The following NDUFA10 variants were observed in gnomAD, a reference collection of about 807,000 sequenced individuals.
NDUFA10 encodes NADH:ubiquinone oxidoreductase subunit A10.
NDUFA10 carries 40 observed loss-of-function variants against 47.8 expected under a neutral mutation model. That is an observed-to-expected ratio of 0.84 (90% CI 0.65 to 1.09). The LOEUF is 1.09. NDUFA10 is among the 50% of genes least tolerant of loss of function. The probability of loss-of-function intolerance (pLI) is 0.00; values close to 1 mark genes in which losing one functional copy is unlikely to be tolerated. For missense variants in NDUFA10, 413 were observed against 451.1 expected (o/e 0.92, Z 0.76); for synonymous variants, 183 against 172.2 (o/e 1.06, Z -0.49).
Position 239,959,735 on chromosome 2 carries a change from G to T in NDUFA10, c.*1383C>A. 1 of 722,816 alleles carries T rather than the reference G, an allele frequency of 1.4e-6. No individual in the cohort carries two copies. The highest frequency in any genetic ancestry group is 1.7e-6 in the Non-Finnish European group (1 of 592,910). The allele number at this position is 722,816 out of a possible 1,614,324, so 44.8% of individuals were successfully genotyped here. A position where few individuals can be genotyped will look rare whatever the true frequency, so the allele number is the denominator to read the frequency against. On this transcript the variant is annotated 3_prime_UTR_variant, in exon 10 of 10. Transcript: ENST00000252711. Reference sequence around the variant, plus strand: ...GGAAAACAAGGACAGACGGAAGGAAGGAAGAGAAGGAGGGAAGGAAAGAGG... The same window carrying T: ...GGAAAACAAGGACAGACGGAAGGAATGAAGAGAAGGAGGGAAGGAAAGAGG...
At position 239,959,647 on chromosome 2, in the gene NDUFA10, GA is replaced by G; in HGVS notation, c.*1470del. The G allele has an allele frequency of 1.0e-6, 1 of 977,394 alleles. No homozygotes were observed. Among genetic ancestry groups the G allele is most frequent in the Non-Finnish European group, 1.2e-6 (1 of 824,964 alleles). 60.5% of individuals were successfully genotyped at this position (977,394 alleles called of 1,614,324 possible). On this transcript the variant is annotated 3_prime_UTR_variant, in exon 10 of 10. Coordinates refer to ENST00000252711, the MANE Select transcript of NDUFA10 (RefSeq NM_004544.4). ...GAAGGAGGCAGGGAGGAAGGGAAGG[GA>G]GGAAAACAAGGACAGACGGAAGGAA...
At position 239,959,797 on chromosome 2, in the gene NDUFA10, G is replaced by A. The variant is rs139219798; in HGVS notation, c.*1321C>T. On this transcript the variant is annotated 3_prime_UTR_variant, in exon 10 of 10. Transcript: ENST00000252711. ...GGAAGGGAGGAAAACAAGGACAGAT[G>A]GAAGGAAGAAAGGAAGGGAGGGAAG... is the stretch of plus-strand genomic sequence containing the variant. 5.8e-4 allele frequency: 472 copies of A among 819,684 alleles called. 2 individuals carry two copies. The African/African-American group carries it at 7.8e-3, about 14-fold the overall frequency. The allele number at this position is 819,684 out of a possible 1,614,324, so 50.8% of individuals were successfully genotyped here. A position where few individuals can be genotyped will look rare whatever the true frequency, so the allele number is the denominator to read the frequency against.
chr2:239,964,708 A>G (rs1694991999), intron 9 of NDUFA10, among the ~76,000 whole-genome samples: 1 of 152,216 alleles, frequency 6.6e-6, no homozygotes, highest in Admixed American at 6.5e-5. Flanking sequence ...ACTGCCGGCG[A>G]GGACACCTCC....
At chr2:239,970,151 A>T (rs368039125) in intron 9 of NDUFA10, among the ~76,000 whole-genome samples, 32 of 152,316 alleles carry the variant, frequency 2.1e-4, no homozygotes, top group African/African-American at 7.5e-4. Flanking sequence ...ACAAACAACC[A>T]AAGGGAAAAA....
At chr2:239,953,075 C>G (rs921168010), downstream of NDUFA10, among the ~76,000 whole-genome samples, 14 of 152,294 alleles carry the variant, frequency 9.2e-5, 1 homozygote, top group South Asian at 1.0e-3. Flanking sequence ...ACAGCCGCAT[C>G]CTGATCCCCA....
chr2:240,014,575 CCCT>C lies in NDUFA10; in HGVS notation c.669+161_669+163del, dbSNP rs1419719664. 4 of 1,151,786 alleles carry C rather than the reference CCCT, an allele frequency of 3.5e-6. No homozygotes were observed. In the African/African-American group the frequency reaches 6.1e-5, roughly 17 times the overall value. The allele number at this position is 1,151,786 out of a possible 1,614,324, so 71.3% of individuals were successfully genotyped here. The stretch of plus-strand genomic sequence containing the variant: ...GCACCAGGCCGAGCCATGGGGTCTC[CCCT>C]CCACCCCTGCAGATGCCCTCTCTCA... On this transcript the variant is annotated intron_variant, in intron 5 of 9. Transcript: ENST00000252711.
At chr2:239,953,830 T>A (rs1028052151), downstream of NDUFA10, among the ~76,000 whole-genome samples, 12 of 152,142 alleles carry the variant, frequency 7.9e-5, no homozygotes, top group Admixed American at 2.0e-4. Flanking sequence ...AACTGCAAAC[T>A]TAAAATAGAC....
chr2:239,953,966 C>T (rs929096051), downstream of NDUFA10, among the ~76,000 whole-genome samples: 3 of 152,154 alleles, frequency 2.0e-5, no homozygotes, highest in South Asian at 2.1e-4. Flanking sequence ...GCTGAGTGAC[C>T]GACCGCCTCG....
chr2:239,980,437 C>T (rs1695725854), intron 9 of NDUFA10, among the ~76,000 whole-genome samples: 1 of 152,180 alleles, frequency 6.6e-6, no homozygotes, highest in Admixed American at 6.5e-5. Flanking sequence ...GCCAGGTTTC[C>T]CTTCTGTGCC....
chr2:239,952,248 G>A (rs1694568709), intron 4 of NDUFA10, among the ~76,000 whole-genome samples: 1 of 150,524 alleles, frequency 6.6e-6, no homozygotes, highest in Admixed American at 6.6e-5. Flanking sequence ...GCGCAGGGAG[G>A]GGGCTGGCAG....
chr2:239,930,710 G>A (rs1028668338), intron 4 of NDUFA10, among the ~76,000 whole-genome samples: 10 of 152,168 alleles, frequency 6.6e-5, no homozygotes, highest in Non-Finnish European at 1.3e-4. Flanking sequence ...ACCAGAGGGC[G>A]TGCAGAAGAG....
intron 4 of NDUFA10, among the ~76,000 whole-genome samples, chr2:239,921,586 T>A (rs1005827045): frequency 2.0e-5 from 3 of 152,206 alleles, no homozygotes; most frequent in Non-Finnish European, 4.4e-5. Flanking sequence ...TACAAACCTC[T>A]TGCTAGCTAC....
intron 9 of NDUFA10, among the ~76,000 whole-genome samples, chr2:239,986,144 T>C (rs1375805159): frequency 6.6e-6 from 1 of 152,080 alleles, no homozygotes; most frequent in Non-Finnish European, 1.5e-5. Flanking sequence ...GAACTACCAT[T>C]AGAAACACAA....
chr2:240,017,485 G>A (rs762254163), intron 4 of NDUFA10, among the ~76,000 whole-genome samples: 59 of 152,160 alleles, frequency 3.9e-4, no homozygotes, highest in Admixed American at 1.9e-3. Flanking sequence ...AAGCACCCAG[G>A]AGTAATGCTC....
intron 8 of NDUFA10, among the ~76,000 whole-genome samples, chr2:239,997,945 TG>T (rs1413954425): frequency 6.6e-6 from 1 of 152,196 alleles, no homozygotes; most frequent in Admixed American, 6.5e-5. Flanking sequence ...GCAGCATATA[TG>T]GGGAGCCATG....
At chr2:239,944,497 T>C (rs963040836) in intron 4 of NDUFA10, among the ~76,000 whole-genome samples, 17 of 152,078 alleles carry the variant, frequency 1.1e-4, no homozygotes, top group Non-Finnish European at 1.6e-4. Context: ...TGGCGGGAAA[T>C]GATTACCTTT....
At chr2:240,022,550 T>C (rs753462783) in intron 1 of NDUFA10, among the ~76,000 whole-genome samples, 1 of 152,134 alleles carries the variant, frequency 6.6e-6, no homozygotes. Context: ...TACTGTCTGT[T>C]TGTTCACTGC....
rs1433748671 is a variant in NDUFA10 at position 239,945,223 on chromosome 2, G to A, written c.294+44851C>T. ...TTCTCAGGTCACCGGCAGGCGTTGAGCAGGCCGCTCTGCAGACGCTGGGCT... is the reference window on the plus strand; with the variant it reads ...TTCTCAGGTCACCGGCAGGCGTTGAACAGGCCGCTCTGCAGACGCTGGGCT... On this transcript the variant is annotated intron_variant, in intron 4 of 5. Coordinates refer to the NDUFA10 transcript ENST00000419408. The surrounding 1 kb of genome is among the most constrained non-coding windows in gnomAD (Gnocchi z 4.6). Among the ~76,000 whole-genome samples, 1 of 152,208 alleles carries A rather than the reference G, an allele frequency of 6.6e-6. No individual in the cohort carries two copies. Among genetic ancestry groups the A allele is most frequent in the Non-Finnish European group, 1.5e-5 (1 of 68,038 alleles).
intron 4 of NDUFA10, among the ~76,000 whole-genome samples, chr2:239,911,668 A>AGTGTGTGTGTGTGTGTGT (rs1209330426): frequency 8.8e-5 from 7 of 79,286 alleles, no homozygotes; most frequent in African/African-American, 2.9e-4. Context: ...AAAACATGAG[A>AGTGTGTGTGTGTGTGTGT]GAGTGTGTGT....
Sources: allele counts gnomAD v4.1 joint callset (sites outside exome capture counted in the v4.1 genomes callset), GRCh38; gene constraint gnomAD v4.1.1; non-coding constraint Gnocchi (gnomAD v3.1); transcripts MANE v1.5; gene names NCBI Gene and HGNC (gene_info 2026-07-23, HGNC 2026-07-21).